METTL8: variants seen among roughly 807,000 people sequenced by gnomAD.
METTL8 encodes the protein methyltransferase 8, tRNA N3-cytidine, also known as tRNA N(3)-cytidine methyltransferase METTL8, mitochondrial.
METTL8 carries 32 observed loss-of-function variants against 48.7 expected under a neutral mutation model. That is an observed-to-expected ratio of 0.66 (90% CI 0.50 to 0.88). The LOEUF is 0.88. Ranked by LOEUF, METTL8 falls within the 40% of genes least tolerant of loss-of-function variation. The probability of loss-of-function intolerance (pLI) is 0.00; values close to 1 mark genes in which losing one functional copy is unlikely to be tolerated. For missense variants in METTL8, 464 were observed against 474.4 expected (o/e 0.98, Z 0.20); for synonymous variants, 136 against 157.1 (o/e 0.87, Z 1.01).
Position 171,317,757 on chromosome 2 carries a change from C to T in METTL8, c.*6415G>A, listed in dbSNP as rs1437211541. ...GCAGTGCCTTGTAGCTTGCCTTTGCCGAGCTCCAGGGGCAGCTGAGGGTGG... is the reference window on the plus strand; with the variant it reads ...GCAGTGCCTTGTAGCTTGCCTTTGCTGAGCTCCAGGGGCAGCTGAGGGTGG... On this transcript the variant is annotated 3_prime_UTR_variant, in exon 10 of 10. Transcript: ENST00000375258. The T allele has an allele frequency of 2.0e-5, 3 of 152,322 alleles. No homozygotes were observed. Among genetic ancestry groups the T allele is most frequent in the Middle Eastern group, 3.4e-3 (1 of 294 alleles). The allele number at this position is 152,322 out of a possible 1,614,324, so 9.4% of individuals were successfully genotyped here.
intron 4 of METTL8, among the ~76,000 whole-genome samples, chr2:171,338,683 CAG>C (rs1575752865): frequency 6.7e-6 from 1 of 149,680 alleles, no homozygotes; most frequent in East Asian, 1.9e-4. Flanking sequence ...AAAATGTTAA[CAG>C]TGGTGAAATC....
At chr2:171,397,893 T>G (rs1277036948) in intron 1 of METTL8, among the ~76,000 whole-genome samples, 2 of 152,160 alleles carry the variant, frequency 1.3e-5, no homozygotes, top group South Asian at 2.1e-4. Flanking sequence ...AGCCCTAAAT[T>G]TATTAATTAC....
chr2:171,372,819 T>C (rs1246260852), intron 2 of METTL8, among the ~76,000 whole-genome samples: 1 of 152,192 alleles, frequency 6.6e-6, no homozygotes, highest in African/African-American at 2.4e-5. Flanking sequence ...GAACTCATCT[T>C]TTTTTATGGC....
intron 3 of METTL8, among the ~76,000 whole-genome samples, chr2:171,341,760 A>G (rs1003676354): frequency 1.3e-5 from 2 of 151,944 alleles, no homozygotes; most frequent in Non-Finnish European, 2.9e-5. Context: ...GGTATATAAC[A>G]GTGTCTATAT....
chr2:171,416,276 A>G (rs1691306471), intron 1 of METTL8, among the ~76,000 whole-genome samples: 1 of 152,200 alleles, frequency 6.6e-6, no homozygotes, highest in Non-Finnish European at 1.5e-5. Context: ...GGTCATCTCT[A>G]CACCAGGACA....
At chr2:171,328,623 G>A (rs910055633) in intron 7 of METTL8, among the ~76,000 whole-genome samples, 8 of 152,180 alleles carry the variant, frequency 5.3e-5, no homozygotes, top group African/African-American at 1.9e-4. Flanking sequence ...TGATTCTCCT[G>A]CCTCAGCCTC....
rs1017260954 is a variant in METTL8, at chr2:171,339,246, T to C, written c.544A>G (p.Lys182Glu). ...AATCCAGTCTCCATAGGTCCTTTTT[T>C]GTGTTTTTCAGAGTCTAGGTTGGAA... ...DFSNLDSEKH[K>E]KGPMETGLFP... Residue 182 changes from lysine (K) to glutamate (E), a missense_variant, in exon 4 of 10, where the codon AAA becomes GAA. By Grantham distance (56) the Lys-to-Glu change is moderately conservative. Coordinates refer to ENST00000375258, the MANE Select transcript of METTL8 (RefSeq NM_001321154.2). The C allele has an allele frequency of 1.9e-6, 3 of 1,606,830 alleles. No individual in the cohort carries two copies. The highest frequency in any genetic ancestry group is 2.7e-5 in the African/African-American group (2 of 74,492).
Position 171,404,595 on chromosome 2 carries a change from G to A in METTL8, c.-12-12398C>T, listed in dbSNP as rs139100952. Among the ~76,000 whole-genome samples, 514 of 152,218 alleles carry A rather than the reference G, an allele frequency of 3.4e-3. 4 individuals are homozygous for A. Among genetic ancestry groups the A allele is most frequent in the African/African-American group, 0.011 (464 of 41,528 alleles). ...TGGAATTTTCCATGTAATATTTTCA[G>A]ACTATGGTTGACAGTGGGTAAATGA... On this transcript the variant is annotated intron_variant, in intron 1 of 9. Coordinates refer to ENST00000375258, the MANE Select transcript of METTL8 (RefSeq NM_001321154.2).
chr2:171,430,989 C>T (rs1297213850), intron 1 of METTL8, among the ~76,000 whole-genome samples: 1 of 152,142 alleles, frequency 6.6e-6, no homozygotes, highest in African/African-American at 2.4e-5. Flanking sequence ...ATTCTGAGCC[C>T]ATAAAAGCCC....
Position 171,319,225 on chromosome 2 carries a change from T to C in METTL8, c.*4947A>G, listed in dbSNP as rs985808855. On this transcript the variant is annotated 3_prime_UTR_variant, in exon 10 of 10. Transcript: ENST00000375258. ...ACAATACCTCACATATATTTAATGC[T>C]CTAGAATTGACAATGCACTTTCACA... The C allele has an allele frequency of 6.6e-6, 1 of 152,152 alleles. No individual in the cohort carries two copies. The highest frequency in any genetic ancestry group is 2.1e-4 in the South Asian group (1 of 4,828). 9.4% of individuals were successfully genotyped at this position (152,152 alleles called of 1,614,324 possible).
intron 3 of METTL8, among the ~76,000 whole-genome samples, chr2:171,357,196 T>A (rs1684677493): frequency 6.6e-6 from 1 of 152,054 alleles, no homozygotes; most frequent in Non-Finnish European, 1.5e-5. Context: ...TGGCCTCAAG[T>A]GATCTGCCCA....
Position 171,379,443 on chromosome 2 carries a change from C to T in METTL8, c.143+12600G>A, listed in dbSNP as rs186604286. 1.4e-3 allele frequency among the ~76,000 whole-genome samples: 213 copies of T among 147,864 alleles called. 4 individuals carry two copies. The East Asian group carries it at 0.015, about 10-fold the overall frequency. Reference sequence around the variant, plus strand: ...CTGAAGGAGATAGAGACACAAAAAACCCTTAAAAAAAAAAATCAATGAATC... The same window carrying T: ...CTGAAGGAGATAGAGACACAAAAAATCCTTAAAAAAAAAAATCAATGAATC... On this transcript the variant is annotated intron_variant, in intron 2 of 9. Coordinates refer to ENST00000375258, the MANE Select transcript of METTL8 (RefSeq NM_001321154.2).
At chr2:171,409,371 T>C (rs1476855189) in intron 1 of METTL8, among the ~76,000 whole-genome samples, 1 of 151,302 alleles carries the variant, frequency 6.6e-6, no homozygotes, top group African/African-American at 2.4e-5. Context: ...CTCTTAAAAC[T>C]AAAACAGAAA....
At chr2:171,430,017 G>T (rs985246972) in intron 1 of METTL8, among the ~76,000 whole-genome samples, 2 of 146,488 alleles carry the variant, frequency 1.4e-5, no homozygotes, top group African/African-American at 2.5e-5. Context: ...TCCAGCCTGG[G>T]CAACAAGAGC....
rs1428359627 is a variant in METTL8 at position 171,318,694 on chromosome 2, A to G, written c.*5478T>C. 6.6e-6 allele frequency: 1 copy of G among 152,122 alleles called. No individual in the cohort carries two copies. The highest frequency in any genetic ancestry group is 2.4e-5 in the African/African-American group (1 of 41,430). 9.4% of individuals were successfully genotyped at this position (152,122 alleles called of 1,614,324 possible). On this transcript the variant is annotated 3_prime_UTR_variant, in exon 10 of 10. Coordinates refer to ENST00000375258, the MANE Select transcript of METTL8 (RefSeq NM_001321154.2). ...GACAAGTGTAACCTACTTATTTGCT[A>G]GAATGATTGGATCTAGAATGAGCCA...
upstream of METTL8, chr2:171,434,667 G>A: frequency 1.1e-5 from 16 of 1,521,406 alleles, no homozygotes; most frequent in Middle Eastern, 2.0e-4. Flanking sequence ...TGGTGCAGAG[G>A]ACCAACCTGG....
upstream of METTL8, chr2:171,434,446 T>G: frequency 6.8e-7 from 1 of 1,460,186 alleles, no homozygotes; most frequent in Non-Finnish European, 9.2e-7. Flanking sequence ...CGCCTCCCCG[T>G]GTCAGCTTTC....
intron 6 of METTL8, 151 bp from the exon 7 acceptor site, chr2:171,330,849 T>G (rs1685454836): frequency 1.6e-6 from 1 of 634,916 alleles, no homozygotes; most frequent in African/African-American, 1.9e-5. Context: ...TCAGTATTGT[T>G]AGCTTATTTC....
intron 7 of METTL8, 45 bp from the exon 8 acceptor site, chr2:171,326,193 T>C (rs1370642874): frequency 9.8e-7 from 1 of 1,025,432 alleles, no homozygotes; most frequent in Non-Finnish European, 1.5e-6. Context: ...TGTAGAAATC[T>C]TGTTTTATAT....
Sources: allele counts gnomAD v4.1 joint callset (sites outside exome capture counted in the v4.1 genomes callset), GRCh38; gene constraint gnomAD v4.1.1; transcripts MANE v1.5; gene names NCBI Gene and HGNC (gene_info 2026-07-23, HGNC 2026-07-21).